The following REPS2 variants were observed in gnomAD, a reference collection of about 807,000 sequenced individuals.
The protein encoded by REPS2 is ralBP1-associated Eps domain-containing protein 2.
A neutral mutation model predicts 53.6 loss-of-function variants in REPS2; 23 were observed. The ratio of observed to expected loss-of-function variants is 0.43; its 90% CI spans 0.31 to 0.61. The LOEUF is 0.61. REPS2 is among the 20% of genes least tolerant of loss of function. REPS2 has a pLI of 0.11. For synonymous variants in REPS2, 238 were observed against 218.6 expected, an observed-to-expected ratio of 1.09 and a Z score of -0.78; for missense variants, 446 against 534.9, an observed-to-expected ratio of 0.83 and a Z score of 1.64.
intron 1 of REPS2, among the ~76,000 whole-genome samples, chrX:16,965,160 C>T (rs866385139): frequency 1.1e-4 from 10 of 95,071 alleles, no homozygotes; most frequent in South Asian, 5.3e-4. Context: ...ACCTCCCTCC[C>T]GGACAGGGCG....
intron 5 of REPS2, among the ~76,000 whole-genome samples, chrX:17,046,024 G>A (rs1030176777): frequency 5.4e-5 from 6 of 110,164 alleles, no homozygotes; most frequent in Admixed American, 1.9e-4. Flanking sequence ...GGAATTGCCC[G>A]CCCAATGATT....
At chrX:17,015,952 G>A (rs2061487362) in intron 2 of REPS2, among the ~76,000 whole-genome samples, 1 of 111,622 alleles carries the variant, frequency 9.0e-6, no homozygotes, top group South Asian at 3.7e-4. Context: ...GGGTCAAATG[G>A]TATTTCTAGT....
chrX:16,953,854 T>C (rs2060556296), intron 1 of REPS2, among the ~76,000 whole-genome samples: 1 of 112,343 alleles, frequency 8.9e-6, no homozygotes, highest in Non-Finnish European at 1.9e-5. Context: ...GTATGAAAAT[T>C]AAGAACACCT....
chrX:17,065,878 C>A (rs1334675067), intron 9 of REPS2, among the ~76,000 whole-genome samples: 1 of 111,610 alleles, frequency 9.0e-6, no homozygotes, highest in African/African-American at 3.3e-5. Flanking sequence ...AACCACTGAG[C>A]CTGGCCTCTT....
At chrX:17,072,208 A>G (rs1248047453) in intron 11 of REPS2, among the ~76,000 whole-genome samples, 4 of 112,633 alleles carry the variant, frequency 3.6e-5, no homozygotes, top group Non-Finnish European at 7.5e-5. Context: ...TCCAGGCTTA[A>G]AAAATTAGGA....
chrX:17,117,761 A>G (rs1166912911), intron 14 of REPS2, among the ~76,000 whole-genome samples: 5 of 109,647 alleles, frequency 4.6e-5, no homozygotes, highest in Admixed American at 9.7e-5. Context: ...TTATAGCAGC[A>G]TGATTTATAA....
At chrX:17,187,134 A>G in the REPS2 span, among the ~76,000 whole-genome samples, 1 of 111,947 alleles carries the variant, frequency 8.9e-6, no homozygotes, top group African/African-American at 3.2e-5. Flanking sequence ...AAACCTTCCC[A>G]CTGACCCCGA....
At chrX:17,105,457 C>A (rs1450297899) in intron 14 of REPS2, among the ~76,000 whole-genome samples, 2 of 112,300 alleles carry the variant, frequency 1.8e-5, no homozygotes, top group African/African-American at 6.5e-5. Flanking sequence ...AGTTACTACC[C>A]GGTCCCAAAA....
chrX:17,173,954 C>G, the REPS2 span, among the ~76,000 whole-genome samples: 2 of 110,461 alleles, frequency 1.8e-5, no homozygotes, highest in Non-Finnish European at 3.8e-5. Context: ...TTTTAGCAAA[C>G]TAACCTAAGT....
chrX:17,022,568 T>G (rs2061590450), intron 3 of REPS2, among the ~76,000 whole-genome samples: 2 of 112,575 alleles, frequency 1.8e-5, no homozygotes, highest in African/African-American at 3.2e-5. Context: ...CTAAATGGAT[T>G]CTTGGAAATG....
In REPS2 at chrX:16,952,355, G is replaced by T. The variant is rs192233311; in HGVS notation, c.273+5221G>T. Among the ~76,000 whole-genome samples the T allele has an allele frequency of 8.9e-3, 999 of 111,759 alleles. 15 individuals carry two copies. The highest frequency in any genetic ancestry group is 0.031 in the African/African-American group (942 of 30,684). The stretch of plus-strand genomic sequence containing the variant: ...TGGTTTTCTGTTCCTGTGTTAGTTT[G>T]CTGAGAATGATGGTTTCCGGCTTCA... On this transcript the variant is annotated intron_variant, in intron 1 of 17. Transcript: ENST00000357277.
intron 1 of REPS2, among the ~76,000 whole-genome samples, chrX:16,954,759 A>G (rs1330318283): frequency 3.7e-5 from 4 of 108,591 alleles, no homozygotes; most frequent in African/African-American, 1.3e-4. Flanking sequence ...GGTGTAGACA[A>G]TTGGTTTTGA....
At chrX:17,059,833 T>C (rs2062132008) in intron 8 of REPS2, among the ~76,000 whole-genome samples, 1 of 111,394 alleles carries the variant, frequency 9.0e-6, no homozygotes, top group African/African-American at 3.3e-5. Flanking sequence ...ATTATGGAAA[T>C]AGTCCCTTTT....
In REPS2 at chrX:16,962,426, A is replaced by C. The variant is rs1471860802; in HGVS notation, c.273+15292A>C. On this transcript the variant is annotated intron_variant, in intron 1 of 17. Transcript: ENST00000357277. Reference sequence around the variant, plus strand: ...AAAATAAGTGAGACACAGAAGGAAAAATACTTCATGATCTTATTTATCTGG... The same window carrying C: ...AAAATAAGTGAGACACAGAAGGAAACATACTTCATGATCTTATTTATCTGG... Among the ~76,000 whole-genome samples the C allele has an allele frequency of 2.7e-5, 3 of 111,113 alleles. No homozygotes were observed. In the East Asian group the frequency reaches 8.4e-4, roughly 31 times the overall value.
At chrX:16,997,660 A>G (rs1465339337) in intron 1 of REPS2, among the ~76,000 whole-genome samples, 2 of 112,505 alleles carry the variant, frequency 1.8e-5, no homozygotes, top group Non-Finnish European at 3.8e-5. Context: ...TCCAAAACAC[A>G]ATTTAGGTGC....
intron 1 of REPS2, 132 bp from the exon 2 acceptor site, chrX:17,006,089 G>T (rs1440832918): frequency 4.9e-6 from 3 of 607,370 alleles, no homozygotes; most frequent in Admixed American, 3.0e-5. Flanking sequence ...TGACCAGTGG[G>T]CACACAGAGG....
At chrX:17,062,399 T>C (rs375260953) in intron 8 of REPS2, 39 bp from the exon 9 acceptor site, 4 of 984,420 alleles carry the variant, frequency 4.1e-6, no homozygotes, top group Non-Finnish European at 4.3e-6. Flanking sequence ...ACTATGGCTA[T>C]AGGAAATATT....
the REPS2 span, among the ~76,000 whole-genome samples, chrX:17,159,069 T>C: frequency 8.9e-6 from 1 of 111,976 alleles, no homozygotes; most frequent in Non-Finnish European, 1.9e-5. Context: ...TATTTCAAAA[T>C]ATGATTCCAT....
intron 2 of REPS2, among the ~76,000 whole-genome samples, chrX:17,020,631 C>CTTT (rs11405255): frequency 9.7e-6 from 1 of 102,696 alleles, no homozygotes; most frequent in Admixed American, 1.1e-4. Context: ...TTGCCTGCTT[C>CTTT]TTTTTTTTTT....
Sources: allele counts gnomAD v4.1 joint callset (sites outside exome capture counted in the v4.1 genomes callset), GRCh38; gene constraint gnomAD v4.1.1; transcripts MANE v1.5; gene names NCBI Gene and HGNC (gene_info 2026-07-23, HGNC 2026-07-21).